The following CCDC186 variants were observed in gnomAD, a reference collection of about 807,000 sequenced individuals.
CCDC186 encodes coiled-coil domain containing 186, also known as coiled-coil domain-containing protein 186.
CCDC186 carries 49 observed loss-of-function variants against 113.7 expected under a neutral mutation model. The ratio of observed to expected loss-of-function variants is 0.43; its 90% CI spans 0.34 to 0.55. The LOEUF is 0.55. Ranked by LOEUF, CCDC186 falls within the 20% of genes least tolerant of loss-of-function variation. CCDC186 has a pLI of 0.02. For missense variants in CCDC186, 890 were observed against 1,011.1 expected (o/e 0.88, Z 1.62); for synonymous variants, 355 against 345.8 (o/e 1.03, Z -0.30).
At chr10:114,138,090 A>G (rs1001563181) in intron 6 of CCDC186, among the ~76,000 whole-genome samples, 3 of 121,296 alleles carry the variant, frequency 2.5e-5, no homozygotes, top group Non-Finnish European at 3.3e-5. Context: ...AAATACACAA[A>G]TTAGCCAGGC....
intron 13 of CCDC186, 32 bp downstream of exon 13, chr10:114,129,859 T>G: frequency 6.3e-7 from 1 of 1,594,946 alleles, no homozygotes; most frequent in Non-Finnish European, 8.6e-7. Context: ...ATATCAATCA[T>G]GAAATAACAA....
chr10:114,149,838 A>AAGGCAGGCAGGC (rs1170943023), intron 4 of CCDC186, among the ~76,000 whole-genome samples: 2 of 107,726 alleles, frequency 1.9e-5, no homozygotes. Flanking sequence ...GGAAGGCAGG[A>AAGGCAGGCAGGC]AGGCAGGCAG....
intron 15 of CCDC186, among the ~76,000 whole-genome samples, 176 bp from the exon 16 acceptor site, chr10:114,125,402 A>T (rs1482159726): frequency 2.6e-5 from 4 of 152,194 alleles, no homozygotes; most frequent in African/African-American, 4.8e-5. Flanking sequence ...ACTCCTGTCC[A>T]TTTCAAAGTA....
chr10:114,162,415 G>A (rs543217804), intron 2 of CCDC186: 11 of 333,454 alleles, frequency 3.3e-5, no homozygotes, highest in East Asian at 2.4e-4. Flanking sequence ...TTTCTAGCAC[G>A]TTAATACATT....
rs369245046 is a variant in CCDC186, at chr10:114,127,415, G to A, written c.2393+46C>T. On this transcript the variant is annotated intron_variant, in intron 14 of 15. Coordinates refer to ENST00000369287, the MANE Select transcript of CCDC186 (RefSeq NM_018017.4). ...TAAAAACAGTAACTTTGCTATATGA[G>A]TAACGGTATTTTGAAGACCGATCAT... is the stretch of plus-strand genomic sequence containing the variant. 39 of 1,540,284 alleles carry A rather than the reference G, an allele frequency of 2.5e-5. 1 individual carries two copies. In the South Asian group the frequency reaches 4.1e-4, roughly 16 times the overall value.
At chr10:114,146,147 G>C (rs2031634151) in intron 4 of CCDC186, among the ~76,000 whole-genome samples, 1 of 152,154 alleles carries the variant, frequency 6.6e-6, no homozygotes, top group African/African-American at 2.4e-5. Context: ...CCAACAGAAG[G>C]CAGTAGGCAG....
At chr10:114,151,829 C>T (rs1172956151) in intron 3 of CCDC186, among the ~76,000 whole-genome samples, 3 of 152,084 alleles carry the variant, frequency 2.0e-5, no homozygotes, top group Non-Finnish European at 2.9e-5. Flanking sequence ...AATAGTGATG[C>T]TGGCAATTCA....
At chr10:114,173,635 G>T (rs1290097069) in intron 1 of CCDC186, among the ~76,000 whole-genome samples, 3 of 152,206 alleles carry the variant, frequency 2.0e-5, no homozygotes, top group African/African-American at 7.2e-5. Flanking sequence ...AAACGAAATA[G>T]GCGATTGAGT....
chr10:114,168,770 G>A (rs12252221), intron 1 of CCDC186, among the ~76,000 whole-genome samples: 1,680 of 152,278 alleles, frequency 0.011, 32 homozygotes, highest in African/African-American at 0.039. Context: ...GGCTGCCTCT[G>A]CATTTCTTAA....
chr10:114,158,556 T>G (rs931340974), intron 2 of CCDC186, among the ~76,000 whole-genome samples: 6 of 151,870 alleles, frequency 4.0e-5, no homozygotes, highest in African/African-American at 1.5e-4. Context: ...TCACTTCTGT[T>G]TTACGAATTA....
intron 1 of CCDC186, among the ~76,000 whole-genome samples, chr10:114,164,100 GTGTATA>G (rs1196792596): frequency 1.2e-4 from 15 of 120,268 alleles, no homozygotes; most frequent in African/African-American, 5.2e-4. Flanking sequence ...GTGTGTGTGT[GTGTATA>G]TATATATATT....
chr10:114,156,362 C>T (rs1275718656), intron 3 of CCDC186, among the ~76,000 whole-genome samples: 2 of 152,208 alleles, frequency 1.3e-5, no homozygotes, highest in East Asian at 3.9e-4. Flanking sequence ...AAATAAAGAG[C>T]AACTCAGCTT....
At chr10:114,160,164 G>A (rs2032127806) in intron 2 of CCDC186, among the ~76,000 whole-genome samples, 2 of 151,912 alleles carry the variant, frequency 1.3e-5, no homozygotes, top group South Asian at 4.2e-4. Context: ...CAGCTACTTG[G>A]GAGCCTGAAG....
At chr10:114,151,614 T>C (rs567745417) in intron 3 of CCDC186, among the ~76,000 whole-genome samples, 1 of 152,268 alleles carries the variant, frequency 6.6e-6, no homozygotes, top group South Asian at 2.1e-4. Flanking sequence ...GATGAAAACT[T>C]GTGTTGTCTC....
chr10:114,139,665 AG>A (rs2031404757), intron 6 of CCDC186, among the ~76,000 whole-genome samples: 1 of 152,158 alleles, frequency 6.6e-6, no homozygotes, highest in South Asian at 2.1e-4. Context: ...ATATATTTTC[AG>A]TTGCTAGTTT....
At chr10:114,163,988 GTCC>G (rs1017370054) in intron 1 of CCDC186, among the ~76,000 whole-genome samples, 1 of 149,228 alleles carries the variant, frequency 6.7e-6, no homozygotes, top group African/African-American at 2.5e-5. Flanking sequence ...AAAAAACAAT[GTCC>G]AGTACAAATA....
At chr10:114,133,220 G>A (rs2031148311) in intron 10 of CCDC186, among the ~76,000 whole-genome samples, 1 of 152,150 alleles carries the variant, frequency 6.6e-6, no homozygotes, top group African/African-American at 2.4e-5. Context: ...AAAGTGAATG[G>A]ACTTGACAGA....
chr10:114,130,095 T>C (rs1410159404), intron 12 of CCDC186, 124 bp from the exon 13 acceptor site: 4 of 719,328 alleles, frequency 5.6e-6, no homozygotes, highest in East Asian at 2.8e-5. Flanking sequence ...CTTGAATACA[T>C]ACTTTAGGCA....
intron 1 of CCDC186, among the ~76,000 whole-genome samples, chr10:114,172,407 A>G (rs2032518429): frequency 6.6e-6 from 1 of 152,256 alleles, no homozygotes; most frequent in African/African-American, 2.4e-5. Flanking sequence ...CTGTCACTGC[A>G]TAGCATTAAA....
Sources: gnomAD v4.1 joint callset for allele counts (sites outside exome capture counted in the v4.1 genomes callset) on GRCh38, gnomAD v4.1.1 for gene constraint, MANE v1.5 for transcripts, NCBI Gene and HGNC (gene_info 2026-07-23, HGNC 2026-07-21) for gene names.